Variants in FOCAD observed in about 807,000 individuals in gnomAD.
FOCAD encodes the protein focadhesin.
In FOCAD, 198 loss-of-function variants were observed where a neutral mutation model predicts 225.6. The ratio of observed to expected loss-of-function variants is 0.88; its 90% CI spans 0.78 to 0.99. The LOEUF (loss-of-function observed/expected upper bound fraction) is 0.99, where lower values mean the gene tolerates loss of function less well. FOCAD is among the 50% of genes least tolerant of loss of function. The probability of loss-of-function intolerance (pLI) is 0.00; values close to 1 mark genes in which losing one functional copy is unlikely to be tolerated. For missense variants in FOCAD, 2,713 were observed against 2,123.6 expected, an observed-to-expected ratio of 1.28 and a Z score of -5.46; for synonymous variants, 897 against 755.0, an observed-to-expected ratio of 1.19 and a Z score of -3.08.
intron 2 of FOCAD, among the ~76,000 whole-genome samples, chr9:20,661,569 A>T (rs541099952): frequency 6.6e-6 from 1 of 152,270 alleles, no homozygotes; most frequent in Non-Finnish European, 1.5e-5. Context: ...TTAAACTGAG[A>T]TATTCTCAGT....
intron 11 of FOCAD, among the ~76,000 whole-genome samples, chr9:20,812,362 A>G (rs1314226266): frequency 2.0e-5 from 3 of 152,204 alleles, no homozygotes; most frequent in South Asian, 2.1e-4. Flanking sequence ...TCTTCTAACC[A>G]TGATGAATAG....
chr9:20,938,867 T>C (rs1456179152), intron 28 of FOCAD, among the ~76,000 whole-genome samples: 5 of 152,022 alleles, frequency 3.3e-5, no homozygotes, highest in Non-Finnish European at 7.4e-5. Context: ...GCTGATTTAC[T>C]TTTTAAAAAG....
intron 1 of FOCAD, among the ~76,000 whole-genome samples, chr9:20,713,135 A>C (rs751748255): frequency 6.6e-5 from 10 of 152,148 alleles, no homozygotes; most frequent in Non-Finnish European, 1.3e-4. Context: ...TTCTATTGAA[A>C]TCCTACTGCC....
rs546667533 is a variant in FOCAD at position 20,988,193 on chromosome 9, G to C, written c.4907-139G>C. On this transcript the variant is annotated intron_variant, in intron 40 of 43. Transcript: ENST00000338382. ...TCTCTCACAGGCAGTCACAAGTCTC[G>C]GGTATTGCAAGGGAACATGAAACTG... 5 of 483,148 alleles carry C rather than the reference G, an allele frequency of 1.0e-5. No homozygotes were observed. The South Asian group carries it at 1.1e-4, about 10-fold the overall frequency. 29.9% of individuals were successfully genotyped at this position (483,148 alleles called of 1,614,324 possible).
chr9:20,719,070 A>G (rs533027804), intron 3 of FOCAD, among the ~76,000 whole-genome samples: 4 of 152,150 alleles, frequency 2.6e-5, no homozygotes, highest in African/African-American at 9.6e-5. Flanking sequence ...TGGGTACAAA[A>G]TGATGTTGAT....
At chr9:20,820,162 C>T in intron 12 of FOCAD, 162 bp from the exon 13 acceptor site, 1 of 559,890 alleles carries the variant, frequency 1.8e-6, no homozygotes, top group Non-Finnish European at 3.1e-6. Flanking sequence ...GTTATCTAGC[C>T]CCTCCAACGC....
intron 23 of FOCAD, among the ~76,000 whole-genome samples, 191 bp downstream of exon 23, chr9:20,913,145 T>TACATAC (rs1191164209): frequency 5.1e-5 from 7 of 137,252 alleles, no homozygotes; most frequent in African/African-American, 1.6e-4. Context: ...AAATTATACA[T>TACATAC]ACACACACAC....
intron 10 of FOCAD, chr9:20,786,957 A>G (rs184095169): frequency 7.2e-5 from 34 of 473,814 alleles, no homozygotes; most frequent in Admixed American, 1.8e-4. Flanking sequence ...CCCTCAGGCT[A>G]TGGGGCCAGG....
chr9:20,734,105 G>A (rs1012497894), intron 4 of FOCAD, among the ~76,000 whole-genome samples: 1 of 152,202 alleles, frequency 6.6e-6, no homozygotes, highest in African/African-American at 2.4e-5. Context: ...GCAAACAGTG[G>A]AAATTGTAGG....
chr9:20,712,944 G>C (rs1824987836), intron 1 of FOCAD, among the ~76,000 whole-genome samples: 2 of 151,942 alleles, frequency 1.3e-5, no homozygotes, highest in African/African-American at 4.8e-5. Flanking sequence ...TGTTGGCCAG[G>C]CTAGTCTCGA....
chr9:20,741,151 A>G (rs1432376996), intron 5 of FOCAD, among the ~76,000 whole-genome samples: 1 of 152,184 alleles, frequency 6.6e-6, no homozygotes, highest in Non-Finnish European at 1.5e-5. Context: ...TACATGGGCT[A>G]TGGTGATCAA....
intron 8 of FOCAD, among the ~76,000 whole-genome samples, 190 bp from the exon 9 acceptor site, chr9:20,778,491 G>A (rs974402896): frequency 1.8e-4 from 28 of 152,144 alleles, no homozygotes; most frequent in Non-Finnish European, 3.5e-4. Flanking sequence ...AAGTGTTGGC[G>A]TTACAGGCGT....
chr9:20,668,064 G>T (rs936955986), intron 2 of FOCAD, among the ~76,000 whole-genome samples: 1 of 152,150 alleles, frequency 6.6e-6, no homozygotes, highest in Non-Finnish European at 1.5e-5. Flanking sequence ...CAATTTAATT[G>T]TAGTTTCCTG....
Position 20,950,988 on chromosome 9 carries a change from A to C in FOCAD, c.3949-8A>C. ...CCCATCATTGAACTGTTACCTTTTTATTTGTAGGTCATTAGTGTCTCTGGG... is the reference window on the plus strand; with the variant it reads ...CCCATCATTGAACTGTTACCTTTTTCTTTGTAGGTCATTAGTGTCTCTGGG... On this transcript the variant is annotated splice_polypyrimidine_tract_variant and splice_region_variant and intron_variant, in intron 33 of 43. Transcript: ENST00000338382. 1 of 1,610,176 alleles carries C rather than the reference A, an allele frequency of 6.2e-7. No homozygotes were observed. The highest frequency in any genetic ancestry group is 8.5e-7 in the Non-Finnish European group (1 of 1,176,772).
At chr9:20,724,074 A>G (rs1324566577) in intron 4 of FOCAD, among the ~76,000 whole-genome samples, 3 of 152,218 alleles carry the variant, frequency 2.0e-5, no homozygotes, top group Non-Finnish European at 4.4e-5. Flanking sequence ...ATGGTAGTAA[A>G]TCATTCATAA....
At chr9:20,919,931 G>A (rs941587537) in intron 24 of FOCAD, among the ~76,000 whole-genome samples, 3 of 151,728 alleles carry the variant, frequency 2.0e-5, no homozygotes, top group African/African-American at 7.3e-5. Context: ...AACACCAAAA[G>A]CAATGGCAAC....
intron 35 of FOCAD, among the ~76,000 whole-genome samples, chr9:20,960,840 G>A (rs1026119688): frequency 6.6e-5 from 10 of 150,848 alleles, no homozygotes; most frequent in African/African-American, 2.4e-4. Context: ...GAGAACATGT[G>A]GTGTTTGGTT....
chr9:20,726,104 G>T lies in FOCAD; in HGVS notation c.287+5570G>T, dbSNP rs549890751. ...AAATGAAACTGAAAATAAAGTGAAA[G>T]ATATATAGCAGCATATAGTTTTGTA... On this transcript the variant is annotated intron_variant, in intron 4 of 43. Coordinates refer to ENST00000338382, the MANE Select transcript of FOCAD (RefSeq NM_001375567.1). Among the ~76,000 whole-genome samples, 6 of 152,270 alleles carry T rather than the reference G, an allele frequency of 3.9e-5. 1 individual carries two copies. The highest frequency in any genetic ancestry group is 1.3e-4 in the Admixed American group (2 of 15,282).
At chr9:20,984,826 A>T (rs751629187) in intron 39 of FOCAD, among the ~76,000 whole-genome samples, 7 of 152,178 alleles carry the variant, frequency 4.6e-5, no homozygotes, top group Non-Finnish European at 7.3e-5. Context: ...TTTTAGACTG[A>T]GTCTCACTTT....
Sources: allele counts gnomAD v4.1 joint callset (sites outside exome capture counted in the v4.1 genomes callset), GRCh38; gene constraint gnomAD v4.1.1; transcripts MANE v1.5; gene names NCBI Gene and HGNC (gene_info 2026-07-23, HGNC 2026-07-21).